Variants in PSD3 observed in about 807,000 individuals in gnomAD.
The protein encoded by PSD3 is PH and SEC7 domain-containing protein 3.
A neutral mutation model predicts 105.5 loss-of-function variants in PSD3; 49 were observed. That is an observed-to-expected ratio of 0.46 (90% CI 0.37 to 0.59). The LOEUF (loss-of-function observed/expected upper bound fraction) is 0.59, where lower values mean the gene tolerates loss of function less well. Ranked by LOEUF, PSD3 falls within the 20% of genes least tolerant of loss-of-function variation. PSD3 has a pLI of 0.00. For synonymous variants in PSD3, 557 were observed against 457.8 expected (o/e 1.22, Z -2.77); for missense variants, 1,561 against 1,263.8 (o/e 1.24, Z -3.57).
intron 2 of PSD3, among the ~76,000 whole-genome samples, chr8:18,876,827 C>G (rs552528495): frequency 2.0e-5 from 3 of 152,290 alleles, no homozygotes; most frequent in African/African-American, 7.2e-5. Flanking sequence ...TATTTACATT[C>G]CTACAAGCAA....
chr8:18,706,014 T>C (rs538568739), intron 9 of PSD3, among the ~76,000 whole-genome samples: 86 of 152,328 alleles, frequency 5.6e-4, no homozygotes, highest in African/African-American at 2.1e-3. Context: ...GCCAGTGGAC[T>C]ATGAACAAAT....
intron 9 of PSD3, among the ~76,000 whole-genome samples, chr8:18,655,983 G>T (rs1369665196): frequency 6.6e-6 from 1 of 152,146 alleles, no homozygotes. Flanking sequence ...AAATTACACT[G>T]TGCATGCTAT....
rs903833758 is a variant in PSD3, at chr8:18,528,153, G to A, written c.*7590C>T. 2 of 152,100 alleles carry A rather than the reference G, an allele frequency of 1.3e-5. No individual in the cohort carries two copies. The highest frequency in any genetic ancestry group is 2.9e-5 in the Non-Finnish European group (2 of 68,034). The allele number at this position is 152,100 out of a possible 1,614,324, so 9.4% of individuals were successfully genotyped here. ...CTCCGCTAGTGTACATTTAGAAATG[G>A]GTTCCTAAAGCTTGAGATATAAGAG... On this transcript the variant is annotated 3_prime_UTR_variant, in exon 16 of 16. Transcript: ENST00000327040.
At chr8:18,970,337 A>AAC (rs1216366734) in intron 1 of PSD3, among the ~76,000 whole-genome samples, 2 of 149,980 alleles carry the variant, frequency 1.3e-5, no homozygotes, top group East Asian at 3.9e-4. Flanking sequence ...AAAAAAAAAA[A>AAC]AAAAAAAAAA....
At chr8:18,571,437 G>A (rs1216913230) in intron 14 of PSD3, among the ~76,000 whole-genome samples, 1 of 151,948 alleles carries the variant, frequency 6.6e-6, no homozygotes, top group East Asian at 1.9e-4. Context: ...TGCACATTAG[G>A]TACCACATTT....
chr8:18,860,455 GA>G (rs1210994179), intron 4 of PSD3, among the ~76,000 whole-genome samples: 3 of 142,250 alleles, frequency 2.1e-5, no homozygotes, highest in African/African-American at 8.5e-5. Flanking sequence ...TCTGTAATTT[GA>G]ATAAAAAAAA....
intron 2 of PSD3, among the ~76,000 whole-genome samples, chr8:18,926,411 A>C (rs1458652593): frequency 6.6e-6 from 1 of 151,950 alleles, no homozygotes; most frequent in Non-Finnish European, 1.5e-5. Context: ...ATGTATATGA[A>C]AATATTCCAA....
chr8:18,613,533 A>G (rs1170147258), intron 11 of PSD3, among the ~76,000 whole-genome samples: 1 of 150,924 alleles, frequency 6.6e-6, no homozygotes, highest in Admixed American at 6.6e-5. Context: ...TCGTGTGACA[A>G]GAACCCCGTT....
chr8:18,818,902 G>A (rs1216480231), intron 4 of PSD3, among the ~76,000 whole-genome samples: 1 of 151,970 alleles, frequency 6.6e-6, no homozygotes, highest in African/African-American at 2.4e-5. Flanking sequence ...TGGGTTGGGG[G>A]GAAAAGTCAT....
rs1282090633 is a variant in PSD3 at position 18,948,305 on chromosome 8, C to T, written c.22-12163G>A. On this transcript the variant is annotated intron_variant, in intron 1 of 15. Transcript: ENST00000327040. ...ACCTTTGAACACATCTTACTGGCTACAGACTCTGGATTCTTAACAGGAGGA... is the reference window on the plus strand; with the variant it reads ...ACCTTTGAACACATCTTACTGGCTATAGACTCTGGATTCTTAACAGGAGGA... Among the ~76,000 whole-genome samples, 4 of 152,158 alleles carry T rather than the reference C, an allele frequency of 2.6e-5. No individual in the cohort carries two copies. In the East Asian group the frequency reaches 7.7e-4, roughly 29 times the overall value.
chr8:18,824,796 C>G lies in PSD3; in HGVS notation c.1635-19898G>C, dbSNP rs1813041572. 2.6e-5 allele frequency among the ~76,000 whole-genome samples: 4 copies of G among 152,214 alleles called. No homozygotes were observed. The South Asian group carries it at 6.2e-4, about 24-fold the overall frequency. On this transcript the variant is annotated intron_variant, in intron 4 of 15. Coordinates refer to ENST00000327040, the MANE Select transcript of PSD3 (RefSeq NM_015310.4). ...GATAACTAGAAGAGTCAAATTAGAT[C>G]CCTAGGCAGAGTATCAATAACACAC...
intron 8 of PSD3, among the ~76,000 whole-genome samples, chr8:18,787,434 A>C (rs1007962488): frequency 7.9e-5 from 12 of 152,172 alleles, no homozygotes; most frequent in African/African-American, 2.9e-4. Flanking sequence ...TTACCTTTAA[A>C]ATCAGTAGGC....
intron 12 of PSD3, among the ~76,000 whole-genome samples, chr8:18,599,501 G>A (rs1804277973): frequency 1.3e-5 from 2 of 152,156 alleles, no homozygotes; most frequent in African/African-American, 4.8e-5. Context: ...TCCACTGAAC[G>A]ATGAATAAAG....
chr8:18,871,889 T>A lies in PSD3; in HGVS notation c.975A>T (p.Ser325=). Residue 325 remains serine (S), a synonymous_variant, in exon 3 of 16, where the codon TCA becomes TCT. Coordinates refer to ENST00000327040, the MANE Select transcript of PSD3 (RefSeq NM_015310.4). ...TGTCAGGAGAGGCTGTTCTTTGCAG[T>A]GATGTCTCAAAATCTATAGGATGCT... The part of the protein sequence containing the change: ...ETQHPIDFET[S]LQRTASPDSK... The A allele has an allele frequency of 6.2e-7, 1 of 1,614,224 alleles. No homozygotes were observed. Among genetic ancestry groups the A allele is most frequent in the Non-Finnish European group, 8.5e-7 (1 of 1,180,030 alleles).
chr8:18,646,627 C>CTTAAATGAAAAACTT (rs1808057306), intron 10 of PSD3, among the ~76,000 whole-genome samples: 4 of 151,756 alleles, frequency 2.6e-5, no homozygotes, highest in Admixed American at 2.6e-4. Flanking sequence ...TGAAAGGCGA[C>CTTAAATGAAAAACTT]AAATTATATT....
chr8:18,697,038 T>TC (rs1563179077), intron 9 of PSD3, among the ~76,000 whole-genome samples: 1 of 151,318 alleles, frequency 6.6e-6, no homozygotes, highest in Admixed American at 6.6e-5. Context: ...AGCCCAGGGG[T>TC]TTGAGACCAG....
At chr8:18,549,843 A>G (rs1320696217) in intron 15 of PSD3, among the ~76,000 whole-genome samples, 1 of 152,250 alleles carries the variant, frequency 6.6e-6, no homozygotes, top group African/African-American at 2.4e-5. Context: ...TGAAGGTGAC[A>G]TAATCTAAAA....
Position 18,928,740 on chromosome 8 carries a change from C to G in PSD3, c.130+7294G>C, listed in dbSNP as rs12334836. The stretch of plus-strand genomic sequence containing the variant: ...TCCTTCCTTCCTTGTTTCTTTCTTT[C>G]TTTCCTTCCTTCCTTGTTTCTTTCT... On this transcript the variant is annotated intron_variant, in intron 2 of 15. Transcript: ENST00000327040. 7.7e-3 allele frequency among the ~76,000 whole-genome samples: 1,152 copies of G among 148,764 alleles called. 13 individuals carry two copies. Among genetic ancestry groups the G allele is most frequent in the African/African-American group, 0.027 (1,104 of 40,272 alleles).
At chr8:18,779,759 A>T (rs1379163487) in intron 8 of PSD3, among the ~76,000 whole-genome samples, 8 of 151,928 alleles carry the variant, frequency 5.3e-5, no homozygotes, top group Non-Finnish European at 1.2e-4. Flanking sequence ...CTCATTGTTG[A>T]TTTCTAGTTT....
Sources: gnomAD v4.1 joint callset for allele counts (sites outside exome capture counted in the v4.1 genomes callset) on GRCh38, gnomAD v4.1.1 for gene constraint, MANE v1.5 for transcripts, NCBI Gene and HGNC (gene_info 2026-07-23, HGNC 2026-07-21) for gene names.